The following METTL21C variants were observed in gnomAD, a reference collection of about 807,000 sequenced individuals.
The protein encoded by METTL21C is protein-lysine methyltransferase METTL21C.
Under a neutral mutation model 25.9 loss-of-function variants are expected in METTL21C, and 21 were observed. The observed-to-expected ratio is 0.81, with a 90% CI of 0.58 to 1.17. The LOEUF is 1.17. Ranked by LOEUF, METTL21C falls within the 50% of genes most tolerant of loss-of-function variation. The probability of loss-of-function intolerance (pLI) is 0.00; values close to 1 mark genes in which losing one functional copy is unlikely to be tolerated. For synonymous variants in METTL21C, 125 were observed against 124.7 expected (o/e 1.00, Z -0.01); for missense variants, 312 against 315.1 (o/e 0.99, Z 0.07).
chr13:102,693,044 G>C (rs1366627598), intron 1 of METTL21C, among the ~76,000 whole-genome samples: 1 of 152,104 alleles, frequency 6.6e-6, no homozygotes, highest in Admixed American at 6.5e-5. Flanking sequence ...AGCGTTTGAC[G>C]ATTGCTCTGG....
intron 1 of METTL21C, among the ~76,000 whole-genome samples, chr13:102,692,345 C>G (rs1666225965): frequency 6.6e-6 from 1 of 152,128 alleles, no homozygotes; most frequent in Non-Finnish European, 1.5e-5. Context: ...CACACTGGAA[C>G]AGTTCCCTGC....
At chr13:102,687,200 C>G in intron 2 of METTL21C, 143 bp from the exon 3 acceptor site, 1 of 639,042 alleles carries the variant, frequency 1.6e-6, no homozygotes, top group Non-Finnish European at 2.8e-6. Context: ...AATGTACACT[C>G]AATGCCATAT....
At chr13:102,703,055 T>C in the METTL21C span, among the ~76,000 whole-genome samples, 1 of 152,230 alleles carries the variant, frequency 6.6e-6, no homozygotes, top group Non-Finnish European at 1.5e-5. Context: ...CTGTAATTGA[T>C]GGAGAGACAG....
intron 2 of METTL21C, among the ~76,000 whole-genome samples, chr13:102,689,668 GA>G (rs1263500797): frequency 6.6e-6 from 1 of 152,208 alleles, no homozygotes; most frequent in Non-Finnish European, 1.5e-5. Context: ...TCCGCAGTGG[GA>G]AAAGCAACCA....
upstream of METTL21C, among the ~76,000 whole-genome samples, chr13:102,697,603 A>C (rs79593536): frequency 1.3e-5 from 2 of 152,112 alleles, no homozygotes; most frequent in Admixed American, 1.3e-4. Flanking sequence ...GTTCTCGTCT[A>C]TACGGTGGAG....
chr13:102,694,873 T>TTCTCTCTCTCTC lies in METTL21C; in HGVS notation c.-387_-376dup, dbSNP rs111474584. Among the ~76,000 whole-genome samples the TTCTCTCTCTCTC allele has an allele frequency of 2.3e-4, 29 of 128,276 alleles. 1 individual carries two copies. The South Asian group carries it at 5.1e-3, about 23-fold the overall frequency. The allele number at this position is 128,276 out of a possible 152,430, so 84.2% of individuals were successfully genotyped here. A position where few individuals can be genotyped will look rare whatever the true frequency, so the allele number is the denominator to read the frequency against. On this transcript the variant is annotated 5_prime_UTR_variant, in exon 1 of 4. Transcript: ENST00000267273. ...ATTACTTTGCTAGAATTCTCTCTCT[T>TTCTCTCTCTCTC]TCTCTCTCTCTCTCTCTCTCTCTCT...
At chr13:102,703,273 G>C in the METTL21C span, among the ~76,000 whole-genome samples, 1 of 152,062 alleles carries the variant, frequency 6.6e-6, no homozygotes, top group Admixed American at 6.6e-5. Context: ...TCCTTTCCTA[G>C]AGCTTAGTCA....
chr13:102,689,019 G>T (rs1885754607), intron 2 of METTL21C, among the ~76,000 whole-genome samples: 1 of 152,140 alleles, frequency 6.6e-6, no homozygotes, highest in Non-Finnish European at 1.5e-5. Flanking sequence ...CTAGTGTTTG[G>T]TGCATGAGTG....
rs148624039 is a variant in METTL21C, at chr13:102,694,437, G to C, written c.62C>G (p.Pro21Arg). 5.5e-6 allele frequency: 8 copies of C among 1,463,900 alleles called. No homozygotes were observed. The highest frequency in any genetic ancestry group is 1.8e-4 in the Middle Eastern group (1 of 5,636). The allele number at this position is 1,463,900 out of a possible 1,614,324, so 90.7% of individuals were successfully genotyped here. ...CTTCTCAGCCTCTAACCAGCCACCCGGGGAGCTGAGTCCTTCCCCCCGGCG... is the reference window on the plus strand; with the variant it reads ...CTTCTCAGCCTCTAACCAGCCACCCCGGGAGCTGAGTCCTTCCCCCCGGCG... ...PGRRGEGLSS[P>R]GGWLEAEKKG... Residue 21 changes from proline to arginine, a missense_variant, in exon 1 of 4, where the codon CCG (proline) becomes CGG (arginine). Pro to Arg is a moderately radical substitution (Grantham distance 103, BLOSUM62 -2). Coordinates refer to ENST00000267273, the MANE Select transcript of METTL21C (RefSeq NM_001010977.3).
Position 102,686,121 on chromosome 13 carries a change from A to G in METTL21C, c.705T>C (p.Asp235=), listed in dbSNP as rs757616388. 3.1e-6 allele frequency: 5 copies of G among 1,614,094 alleles called. No homozygotes were observed. Among genetic ancestry groups the G allele is most frequent in the Admixed American group, 1.7e-5 (1 of 60,022 alleles). The part of the protein sequence containing the change: ...FRFSTDYEFL[D]KFKQVFDTTL... The stretch of plus-strand genomic sequence containing the variant: ...TTGTGTCAAAAACTTGCTTGAATTT[A>G]TCTAAAAATTCATAGTCGGTGCTGA... Residue 235 remains aspartate, a synonymous_variant, in exon 4 of 4, where the codon GAT becomes GAC. Coordinates refer to ENST00000267273, the MANE Select transcript of METTL21C (RefSeq NM_001010977.3).
intron 1 of METTL21C, 25 bp downstream of exon 1, chr13:102,694,344 T>A: frequency 6.3e-7 from 1 of 1,596,236 alleles, no homozygotes; most frequent in Non-Finnish European, 8.5e-7. Flanking sequence ...AGGAAAACTG[T>A]TGAAGTGATG....
chr13:102,701,713 T>C, the METTL21C span, among the ~76,000 whole-genome samples: 1 of 152,176 alleles, frequency 6.6e-6, no homozygotes, highest in Non-Finnish European at 1.5e-5. Flanking sequence ...ACAAGGCACA[T>C]GCTGCAATAT....
intron 2 of METTL21C, among the ~76,000 whole-genome samples, 189 bp downstream of exon 2, chr13:102,690,624 T>C (rs1008684717): frequency 1.3e-5 from 2 of 152,090 alleles, no homozygotes; most frequent in Non-Finnish European, 2.9e-5. Context: ...GCAAAACCAG[T>C]GTTTCTGAAA....
At chr13:102,688,005 G>A (rs74109721) in intron 2 of METTL21C, among the ~76,000 whole-genome samples, 1,695 of 152,290 alleles carry the variant, frequency 0.011, 39 homozygotes, top group African/African-American at 0.038. Context: ...ATTAGGAAGA[G>A]TTATGAGAAG....
At chr13:102,697,744 A>T (rs533321062), upstream of METTL21C, among the ~76,000 whole-genome samples, 36 of 152,256 alleles carry the variant, frequency 2.4e-4, no homozygotes, top group African/African-American at 8.7e-4. Context: ...GATTTGAGTG[A>T]AAGTATTTTA....
rs1376507887 is a variant in METTL21C, at chr13:102,694,896, T to TCACACA, written c.-399_-398insTGTGTG. Reference sequence around the variant, plus strand: ...CTTTCTCTCTCTCTCTCTCTCTCTCTCTCTCACACACACACACACACACAC... The same window carrying TCACACA: ...CTTTCTCTCTCTCTCTCTCTCTCTCTCACACACTCTCACACACACACACACACACAC... On this transcript the variant is annotated 5_prime_UTR_variant, in exon 1 of 4. Coordinates refer to ENST00000267273, the MANE Select transcript of METTL21C (RefSeq NM_001010977.3). Among the ~76,000 whole-genome samples, 2 of 142,394 alleles carry TCACACA rather than the reference T, an allele frequency of 1.4e-5. No homozygotes were observed. The highest frequency in any genetic ancestry group is 7.2e-5 in the Admixed American group (1 of 13,816). 93.4% of individuals were successfully genotyped at this position (142,394 alleles called of 152,430 possible).
chr13:102,689,677 C>T (rs998991127), intron 2 of METTL21C, among the ~76,000 whole-genome samples: 2 of 152,220 alleles, frequency 1.3e-5, no homozygotes, highest in Non-Finnish European at 2.9e-5. Flanking sequence ...GGAAAAGCAA[C>T]CACACTGGCT....
At chr13:102,697,451 T>G (rs900630734), upstream of METTL21C, among the ~76,000 whole-genome samples, 6 of 152,074 alleles carry the variant, frequency 3.9e-5, no homozygotes, top group African/African-American at 1.2e-4. Flanking sequence ...CAGCTCAGAA[T>G]GTCCACAGTG....
At chr13:102,687,692 C>T (rs185556459) in intron 2 of METTL21C, among the ~76,000 whole-genome samples, 15 of 152,286 alleles carry the variant, frequency 9.8e-5, no homozygotes, top group Admixed American at 6.5e-4. Context: ...TTCAGTAGGT[C>T]GAGAGTGGGG....
Sources: gnomAD v4.1 joint callset for allele counts (sites outside exome capture counted in the v4.1 genomes callset) on GRCh38, gnomAD v4.1.1 for gene constraint, MANE v1.5 for transcripts, NCBI Gene and HGNC (gene_info 2026-07-23, HGNC 2026-07-21) for gene names.